Variants in ASB5 observed in about 807,000 individuals in gnomAD.
ASB5 encodes ankyrin repeat and SOCS box containing 5, also known as ankyrin repeat and SOCS box protein 5.
A neutral mutation model predicts 42.1 loss-of-function variants in ASB5; 45 were observed. The ratio of observed to expected loss-of-function variants is 1.07; its 90% CI spans 0.84 to 1.37. The LOEUF is 1.37. Ranked by LOEUF, ASB5 falls within the 40% of genes most tolerant of loss-of-function variation. The pLI is 0.00. For synonymous variants in ASB5, 147 were observed against 150.6 expected (o/e 0.98, Z 0.18); for missense variants, 402 against 399.8 (o/e 1.01, Z -0.05).
intron 2 of ASB5, among the ~76,000 whole-genome samples, chr4:176,224,211 T>A (rs979991351): frequency 6.8e-6 from 1 of 147,818 alleles, no homozygotes; most frequent in Non-Finnish European, 1.5e-5. Flanking sequence ...CAGATCTGGA[T>A]GTGCATTTGA....
At chr4:176,241,536 T>C in intron 1 of ASB5, 3 of 1,529,704 alleles carry the variant, frequency 2.0e-6, no homozygotes, top group Non-Finnish European at 2.6e-6. Context: ...GAGGCTGTGC[T>C]GCTTTGGGTT....
intron 1 of ASB5, among the ~76,000 whole-genome samples, chr4:176,266,859 A>C (rs1473384104): frequency 2.0e-5 from 3 of 152,286 alleles, no homozygotes; most frequent in East Asian, 3.9e-4. Context: ...AAAAAATCCT[A>C]GAATTCTAAT....
rs558607285 is a variant in ASB5 at position 176,224,330 on chromosome 4, G to C, written c.276+932C>G. On this transcript the variant is annotated intron_variant, in intron 2 of 6. Transcript: ENST00000296525. ...GCTCACGGCAACCTCTGCCTCCCAG[G>C]TTCAATTGATTCTCCTGCCTCAGCC... Among the ~76,000 whole-genome samples the C allele has an allele frequency of 3.2e-3, 450 of 139,938 alleles. 3 individuals are homozygous for C. Among genetic ancestry groups the C allele is most frequent in the Non-Finnish European group, 3.1e-3 (203 of 66,326 alleles). 91.8% of individuals were successfully genotyped at this position (139,938 alleles called of 152,430 possible). A position where few individuals can be genotyped will look rare whatever the true frequency, so the allele number is the denominator to read the frequency against.
At chr4:176,249,468 C>T (rs969604675) in intron 1 of ASB5, 1 of 152,170 alleles carries the variant, frequency 6.6e-6, no homozygotes, top group Non-Finnish European at 1.5e-5. Context: ...ACACTTGGCT[C>T]TTCTTACCCT....
intron 1 of ASB5, among the ~76,000 whole-genome samples, chr4:176,260,390 G>A (rs931949592): frequency 6.6e-6 from 1 of 152,080 alleles, no homozygotes; most frequent in African/African-American, 2.4e-5. Context: ...GTAGAATGAG[G>A]ATTGAGAAAA....
At chr4:176,220,988 T>C (rs1753187758) in intron 5 of ASB5, among the ~76,000 whole-genome samples, 167 bp downstream of exon 5, 1 of 152,210 alleles carries the variant, frequency 6.6e-6, no homozygotes, top group African/African-American at 2.4e-5. Flanking sequence ...TTTTATTGCT[T>C]ATCAAGAATG....
intron 2 of ASB5, among the ~76,000 whole-genome samples, chr4:176,222,948 T>TC (rs1456299264): frequency 2.6e-4 from 40 of 151,118 alleles, no homozygotes; most frequent in Non-Finnish European, 1.0e-4. Context: ...GGGCTAATTT[T>TC]TTTGTATTTT....
chr4:176,252,084 GAAA>G (rs57692791), intron 1 of ASB5, among the ~76,000 whole-genome samples: 1 of 107,784 alleles, frequency 9.3e-6, no homozygotes, highest in African/African-American at 3.5e-5. Flanking sequence ...AAAAAAAAAA[GAAA>G]AAAAAAAAAA....
At chr4:176,218,110 C>T (rs894753476) in intron 5 of ASB5, among the ~76,000 whole-genome samples, 2 of 144,988 alleles carry the variant, frequency 1.4e-5, no homozygotes, top group Non-Finnish European at 3.0e-5. Context: ...TCAACAATTA[C>T]TAACAGTAAT....
intron 1 of ASB5, among the ~76,000 whole-genome samples, chr4:176,252,510 T>C (rs1754063072): frequency 6.6e-6 from 1 of 152,190 alleles, no homozygotes; most frequent in Non-Finnish European, 1.5e-5. Flanking sequence ...TTGTCTAAAT[T>C]CCGAAGATGA....
chr4:176,260,657 G>C (rs748258554), intron 1 of ASB5, among the ~76,000 whole-genome samples: 1 of 152,012 alleles, frequency 6.6e-6, no homozygotes, highest in Non-Finnish European at 1.5e-5. Flanking sequence ...TTGTTTTGTT[G>C]TTGCTGTTGT....
intron 1 of ASB5, among the ~76,000 whole-genome samples, chr4:176,232,411 G>A (rs568364182): frequency 6.6e-6 from 1 of 152,066 alleles, no homozygotes; most frequent in South Asian, 2.1e-4. Flanking sequence ...GTGAGCCACC[G>A]AGCCTGGCCC....
intron 3 of ASB5, 37 bp downstream of exon 3, chr4:176,222,276 T>C (rs748005368): frequency 8.5e-6 from 13 of 1,528,590 alleles, no homozygotes; most frequent in African/African-American, 1.4e-5. Flanking sequence ...CCTCCGTCAG[T>C]AGATGTTAAA....
intron 1 of ASB5, among the ~76,000 whole-genome samples, chr4:176,244,786 C>T (rs1411719338): frequency 6.6e-6 from 1 of 152,248 alleles, no homozygotes; most frequent in African/African-American, 2.4e-5. Flanking sequence ...GGCATGGTGA[C>T]ATGTGCCTAT....
At chr4:176,242,287 G>A (rs1339846851) in intron 1 of ASB5, among the ~76,000 whole-genome samples, 3 of 152,058 alleles carry the variant, frequency 2.0e-5, no homozygotes, top group Non-Finnish European at 4.4e-5. Context: ...CAGGAGTTTG[G>A]GACTAGTCTC....
chr4:176,243,598 G>A (rs1347382119), intron 1 of ASB5, among the ~76,000 whole-genome samples: 1 of 152,000 alleles, frequency 6.6e-6, no homozygotes, highest in East Asian at 1.9e-4. Flanking sequence ...CGTCTCCCAG[G>A]TTCAAATGAT....
chr4:176,227,816 A>G (rs1753421303), intron 1 of ASB5, among the ~76,000 whole-genome samples: 1 of 152,190 alleles, frequency 6.6e-6, no homozygotes, highest in Non-Finnish European at 1.5e-5. Context: ...TCATGCACAG[A>G]GTCTGTGAAA....
intron 1 of ASB5, among the ~76,000 whole-genome samples, chr4:176,240,058 GT>G (rs1320983006): frequency 1.3e-5 from 2 of 152,150 alleles, no homozygotes; most frequent in Admixed American, 1.3e-4. Context: ...GGACAGAATT[GT>G]TTAAATGCTA....
At chr4:176,238,374 A>C (rs1189264224) in intron 1 of ASB5, among the ~76,000 whole-genome samples, 2 of 152,204 alleles carry the variant, frequency 1.3e-5, no homozygotes, top group Non-Finnish European at 2.9e-5. Flanking sequence ...TCTCTAAATC[A>C]AAAGACGTCA....
Sources: allele counts gnomAD v4.1 joint callset (sites outside exome capture counted in the v4.1 genomes callset), GRCh38; gene constraint gnomAD v4.1.1; transcripts MANE v1.5; gene names NCBI Gene and HGNC (gene_info 2026-07-23, HGNC 2026-07-21).